The following PWWP2A variants were observed in gnomAD, a reference collection of about 807,000 sequenced individuals.
PWWP2A encodes the protein PWWP domain containing 2A.
Under a neutral mutation model 48.5 loss-of-function variants are expected in PWWP2A, and 18 were observed. That is an observed-to-expected ratio of 0.37 (90% CI 0.26 to 0.55). The LOEUF (loss-of-function observed/expected upper bound fraction) is 0.55. Among genes scored for constraint, PWWP2A ranks in the 20% least tolerant of loss-of-function variants. PWWP2A has a pLI of 0.81. For synonymous variants in PWWP2A, 396 were observed against 387.7 expected (o/e 1.02, Z -0.25); for missense variants, 867 against 976.4 (o/e 0.89, Z 1.49).
the PWWP2A span, among the ~76,000 whole-genome samples, chr5:160,047,243 G>T: frequency 7.2e-5 from 11 of 152,040 alleles, no homozygotes; most frequent in Admixed American, 6.6e-4. Context: ...CAGATTTAAC[G>T]TGCCCAGCCC....
At chr5:160,084,234 T>G (rs1754452146) in intron 2 of PWWP2A, among the ~76,000 whole-genome samples, 1 of 152,146 alleles carries the variant, frequency 6.6e-6, no homozygotes, top group South Asian at 2.1e-4. Context: ...ATACTATTAT[T>G]CTCCTTATTT....
chr5:160,076,043 C>T (rs1197064532), exon 4 of PWWP2A: 1 of 151,850 alleles, frequency 6.6e-6, no homozygotes, highest in Non-Finnish European at 1.5e-5. Context: ...TAGCATGAAG[C>T]AAAGCTTAAA....
At chr5:160,105,248 A>G in intron 1 of PWWP2A, among the ~76,000 whole-genome samples, 1 of 149,086 alleles carries the variant, frequency 6.7e-6, no homozygotes, top group African/African-American at 2.4e-5. Context: ...GCAAAAAAAA[A>G]AAAAAAAAAA....
Position 160,091,745 on chromosome 5 carries a change from C to A in PWWP2A, c.*637G>T, listed in dbSNP as rs908130369. 3.3e-5 allele frequency: 33 copies of A among 985,262 alleles called. No homozygotes were observed. In the African/African-American group the frequency reaches 4.9e-4, roughly 15 times the overall value. 61.0% of individuals were successfully genotyped at this position (985,262 alleles called of 1,614,324 possible). On this transcript the variant is annotated 3_prime_UTR_variant, in exon 2 of 2. Coordinates refer to ENST00000307063, the MANE Select transcript of PWWP2A (RefSeq NM_001130864.2). Reference sequence around the variant, plus strand: ...GTCTTGACAGTTTTAATCCCAAACACTGGGCTATTTCCCCAGTCTGTAACT... The same window carrying A: ...GTCTTGACAGTTTTAATCCCAAACAATGGGCTATTTCCCCAGTCTGTAACT...
chr5:160,057,399 T>C (rs1466855877), downstream of PWWP2A, among the ~76,000 whole-genome samples: 8 of 151,592 alleles, frequency 5.3e-5, no homozygotes, highest in African/African-American at 1.9e-4. The surrounding 1 kb of genome is among the most constrained non-coding windows in gnomAD (Gnocchi z 4.4). Context: ...GCAACAGCAC[T>C]GTGTCTAAAA....
At chr5:160,115,552 G>A (rs1411168372) in intron 1 of PWWP2A, among the ~76,000 whole-genome samples, 9 of 151,998 alleles carry the variant, frequency 5.9e-5, no homozygotes, top group African/African-American at 2.2e-4. Flanking sequence ...AATTAGCCGG[G>A]CGTGGTGGCG....
At chr5:160,073,524 G>A (rs1304731873), downstream of PWWP2A, among the ~76,000 whole-genome samples, 1 of 152,006 alleles carries the variant, frequency 6.6e-6, no homozygotes, top group East Asian at 1.9e-4. Context: ...ACCATGCCCG[G>A]CCAAAAACAT....
chr5:160,107,617 C>A, intron 1 of PWWP2A, among the ~76,000 whole-genome samples: 1 of 152,136 alleles, frequency 6.6e-6, no homozygotes, highest in Admixed American at 6.6e-5. Flanking sequence ...CCACAGAAAA[C>A]CTGATCTTAG....
At chr5:160,117,865 G>T in intron 1 of PWWP2A, 1 of 984,540 alleles carries the variant, frequency 1.0e-6, no homozygotes, top group Non-Finnish European at 1.2e-6. Context: ...TACGATCAGA[G>T]CGTGTGCTGT....
At chr5:160,059,297 C>T (rs1394313127), downstream of PWWP2A, among the ~76,000 whole-genome samples, 2 of 152,216 alleles carry the variant, frequency 1.3e-5, no homozygotes, top group Non-Finnish European at 2.9e-5. Flanking sequence ...GCCTTTGCTG[C>T]TTCACTTTGC....
At chr5:160,101,604 A>G (rs1245438507) in intron 1 of PWWP2A, among the ~76,000 whole-genome samples, 3 of 152,110 alleles carry the variant, frequency 2.0e-5, no homozygotes, top group Non-Finnish European at 4.4e-5. Flanking sequence ...AACAATGTGA[A>G]TGTACTTAAC....
At chr5:160,112,295 A>G (rs1421615816) in intron 1 of PWWP2A, among the ~76,000 whole-genome samples, 1 of 152,092 alleles carries the variant, frequency 6.6e-6, no homozygotes, top group Non-Finnish European at 1.5e-5. Context: ...ATCTCGGCTC[A>G]CTGCAGCCTC....
At chr5:160,051,149 A>G in the PWWP2A span, 1 of 1,610,164 alleles carries the variant, frequency 6.2e-7, no homozygotes. Context: ...AGCAAATTGA[A>G]GAACGTAATG....
downstream of PWWP2A, chr5:160,089,927 T>G (rs1044921685): frequency 2.6e-5 from 26 of 985,154 alleles, no homozygotes; most frequent in African/African-American, 4.5e-4. Flanking sequence ...CTGGACAAAT[T>G]TATCTAAGAC....
chr5:160,078,374 G>A lies in PWWP2A; in HGVS notation c.1670-206C>T, dbSNP rs142947222. Among the ~76,000 whole-genome samples, 21 of 152,236 alleles carry A rather than the reference G, an allele frequency of 1.4e-4. No homozygotes were observed. Among genetic ancestry groups the A allele is most frequent in the African/African-American group, 4.3e-4 (18 of 41,552 alleles). ...CAGCAGAAATATTCATGTTATTTCT[G>A]AAGTATTATCAGGCCAGTTTCCAAC... On this transcript the variant is annotated intron_variant, in intron 3 of 3. Transcript: ENST00000456329. The surrounding 1 kb of genome is among the most constrained non-coding windows in gnomAD (Gnocchi z 4.2).
At chr5:160,087,875 TTTATC>T (rs1754762871), downstream of PWWP2A, among the ~76,000 whole-genome samples, 1 of 152,338 alleles carries the variant, frequency 6.6e-6, no homozygotes, top group South Asian at 2.1e-4. Context: ...CAAAGAGTTG[TTTATC>T]TTATATTAGT....
In PWWP2A at chr5:160,092,384, A is replaced by T; in HGVS notation, c.2266T>A (p.Ter756ArgextTer6). Residue 756 changes from the stop codon to arginine, a stop_lost, in exon 2 of 2, where the codon TGA (stop) becomes AGA (arginine). Transcript: ENST00000307063. The stretch of plus-strand genomic sequence containing the variant: ...CTTGCCTACCTTACTGCCCATGTTC[A>T]CGTTTCAAACTGTGTCAACAAAGCC... Reference protein sequence around the residue: ...VRALLTQFET* With the variant: ...VRALLTQFETR The T allele has an allele frequency of 6.5e-7, 1 of 1,534,338 alleles. No homozygotes were observed. Among genetic ancestry groups the T allele is most frequent in the Non-Finnish European group, 8.8e-7 (1 of 1,139,974 alleles).
At chr5:160,049,477 T>C in the PWWP2A span, 1 of 1,532,816 alleles carries the variant, frequency 6.5e-7, no homozygotes, top group Non-Finnish European at 8.7e-7. Flanking sequence ...TAGGCCATTT[T>C]TCTTTGTGAT....
In PWWP2A at chr5:160,092,025, TACACAC is replaced by T. The variant is rs770427944; in HGVS notation, c.*351_*356del. 342 of 434,102 alleles carry T rather than the reference TACACAC, an allele frequency of 7.9e-4. 22 individuals carry two copies. Among genetic ancestry groups the T allele is most frequent in the African/African-American group, 7.8e-3 (313 of 39,978 alleles). The allele number at this position is 434,102 out of a possible 1,614,324, so 26.9% of individuals were successfully genotyped here. A position where few individuals can be genotyped will look rare whatever the true frequency, so the allele number is the denominator to read the frequency against. ...ATATACATACACGGATATATATATATACACACACACACACGTATATATATGTATATA... is the reference window on the plus strand; with the variant it reads ...ATATACATACACGGATATATATATATACACACACGTATATATATGTATATA... On this transcript the variant is annotated 3_prime_UTR_variant, in exon 2 of 2. Transcript: ENST00000307063.
Sources: gnomAD v4.1 joint callset for allele counts (sites outside exome capture counted in the v4.1 genomes callset) on GRCh38, gnomAD v4.1.1 for gene constraint, Gnocchi (gnomAD v3.1) non-coding constraint, MANE v1.5 for transcripts, NCBI Gene and HGNC (gene_info 2026-07-23, HGNC 2026-07-21) for gene names.